The following ZNF45 variants were observed in gnomAD, a reference collection of about 807,000 sequenced individuals.
ZNF45 encodes BRC1744.
In ZNF45, 4 loss-of-function variants were observed where a neutral mutation model predicts 12.0. That is an observed-to-expected ratio of 0.33 (90% CI 0.16 to 0.76). The LOEUF (loss-of-function observed/expected upper bound fraction) is 0.76, where lower values mean the gene tolerates loss of function less well. Among genes scored for constraint, ZNF45 ranks in the 30% least tolerant of loss-of-function variants. The pLI is 0.60. For missense variants in ZNF45, 700 were observed against 813.0 expected (o/e 0.86, Z 1.69); for synonymous variants, 272 against 279.6 (o/e 0.97, Z 0.27).
At position 43,935,222 on chromosome 19, in the gene ZNF45, TCA is replaced by T. The variant is rs1342095417; in HGVS notation, c.-1056_-1055del. 2.6e-5 allele frequency: 4 copies of T among 152,266 alleles called. No individual in the cohort carries two copies. The highest frequency in any genetic ancestry group is 9.6e-5 in the African/African-American group (4 of 41,458). The allele number at this position is 152,266 out of a possible 1,614,324, so 9.4% of individuals were successfully genotyped here. On this transcript the variant is annotated 5_prime_UTR_variant, in exon 1 of 10. Transcript: ENST00000269973. ...AAAACAGGTCGCGGGGTCCCAGGAC[TCA>T]CTCACTTCCACGAGAGGAATGAAGG...
rs530551971 is a variant in ZNF45 at position 43,919,174 on chromosome 19, T to C, written c.143-212A>G. 9.8e-5 allele frequency among the ~76,000 whole-genome samples: 15 copies of C among 152,310 alleles called. No individual in the cohort carries two copies. In the East Asian group the frequency reaches 2.5e-3, roughly 25 times the overall value. ...ACTGGGAAAAAAAATGTTTTCATCATACCCCCTCCATTGTCTCTCACATTC... is the reference window on the plus strand; with the variant it reads ...ACTGGGAAAAAAAATGTTTTCATCACACCCCCTCCATTGTCTCTCACATTC... On this transcript the variant is annotated intron_variant, in intron 8 of 9. Transcript: ENST00000269973.
At chr19:43,920,585 A>G in intron 7 of ZNF45, among the ~76,000 whole-genome samples, 1 of 128,378 alleles carries the variant, frequency 7.8e-6, no homozygotes, top group Non-Finnish European at 1.6e-5. Flanking sequence ...AAGAAGCACT[A>G]GCATATCGTA....
intron 9 of ZNF45, among the ~76,000 whole-genome samples, chr19:43,916,524 C>G (rs561002668): frequency 1.2e-3 from 180 of 152,244 alleles, no homozygotes; most frequent in African/African-American, 4.0e-3. Flanking sequence ...CACATATTAC[C>G]CTCTGACAAA....
In ZNF45 at chr19:43,913,343, T is replaced by C. The variant is rs769493940; in HGVS notation, c.*44A>G. ...AATGTTTTGTCTATGATAGCTCTGA[T>C]TATTAAAATATTTCAGCACCCATCT... On this transcript the variant is annotated 3_prime_UTR_variant, in exon 10 of 10. Transcript: ENST00000269973. 1.3e-6 allele frequency: 2 copies of C among 1,517,424 alleles called. No individual in the cohort carries two copies. The highest frequency in any genetic ancestry group is 1.8e-6 in the Non-Finnish European group (2 of 1,134,872). The allele number at this position is 1,517,424 out of a possible 1,614,324, so 94.0% of individuals were successfully genotyped here. A position where few individuals can be genotyped will look rare whatever the true frequency, so the allele number is the denominator to read the frequency against.
intron 9 of ZNF45, 121 bp from the exon 10 acceptor site, chr19:43,915,321 G>T: frequency 9.9e-7 from 1 of 1,007,274 alleles, no homozygotes; most frequent in Non-Finnish European, 1.3e-6. Flanking sequence ...AGGTTCCATT[G>T]CCTACTGCAT....
At chr19:43,919,038 T>A (rs914261575) in intron 8 of ZNF45, 76 bp from the exon 9 acceptor site, 2 of 1,225,610 alleles carry the variant, frequency 1.6e-6, no homozygotes, top group African/African-American at 1.5e-5. Context: ...TGTCCTCATT[T>A]CATCGTCTTC....
chr19:43,914,357 T>C lies in ZNF45; in HGVS notation c.1079A>G (p.Tyr360Cys), dbSNP rs138169412. Residue 360 changes from tyrosine to cysteine, a missense_variant, in exon 10 of 10, where the codon TAT (tyrosine) becomes TGT (cysteine). Coordinates refer to ENST00000269973, the MANE Select transcript of ZNF45 (RefSeq NM_003425.4). ...ACCTTTCCCACACTCCTCACACTTA[T>C]AGGGTTTCTCTCCTGTGTGGATTCT... is the stretch of plus-strand genomic sequence containing the variant. ...HCRIHTGEKP[Y>C]KCEECGKGFS... is the part of the protein sequence containing the mutation. 206 of 1,613,244 alleles carry C rather than the reference T, an allele frequency of 1.3e-4. No homozygotes were observed. The highest frequency in any genetic ancestry group is 3.3e-4 in the Middle Eastern group (2 of 6,054).
chr19:43,932,431 C>A (rs1256737592), intron 3 of ZNF45, 173 bp downstream of exon 3: 3 of 152,188 alleles, frequency 2.0e-5, no homozygotes, highest in Non-Finnish European at 4.4e-5. Flanking sequence ...ACAATATTAT[C>A]CACAATTGTT....
intron 3 of ZNF45, among the ~76,000 whole-genome samples, chr19:43,929,313 G>A (rs73933619): frequency 0.028 from 4,260 of 152,292 alleles, 252 homozygotes; most frequent in East Asian, 0.24. Context: ...CCCTCTCAGT[G>A]GGAAAGGATC....
In ZNF45 at chr19:43,922,137, A is replaced by T. The variant is rs765465758; in HGVS notation, c.15+34T>A. 9 of 1,605,870 alleles carry T rather than the reference A, an allele frequency of 5.6e-6. No homozygotes were observed. The South Asian group carries it at 1.0e-4, about 18-fold the overall frequency. The stretch of plus-strand genomic sequence containing the variant: ...TATGTAATCTTTCCGAAATGAGATG[A>T]CAATTATTACGGAGAAAGGGAGGTC... On this transcript the variant is annotated intron_variant, in intron 7 of 9. Coordinates refer to ENST00000269973, the MANE Select transcript of ZNF45 (RefSeq NM_003425.4).
intron 3 of ZNF45, chr19:43,932,347 A>C (rs1215225673): frequency 6.6e-6 from 1 of 152,222 alleles, no homozygotes; most frequent in Non-Finnish European, 1.5e-5. Context: ...AAAAACAAAC[A>C]AACCAAAAAA....
intron 7 of ZNF45, among the ~76,000 whole-genome samples, chr19:43,920,470 T>C (rs904390704): frequency 4.0e-5 from 5 of 124,988 alleles, no homozygotes; most frequent in African/African-American, 1.5e-4. Context: ...CCTTAGCTTC[T>C]ACCTACTAGA....
chr19:43,914,288 G>C lies in ZNF45; in HGVS notation c.1148C>G (p.Thr383Ser). The C allele has an allele frequency of 6.2e-7, 1 of 1,613,144 alleles. No homozygotes were observed. The highest frequency in any genetic ancestry group is 8.5e-7 in the Non-Finnish European group (1 of 1,179,482). Residue 383 changes from threonine to serine, a missense_variant, in exon 10 of 10, where the codon ACT becomes AGT. Thr to Ser is a moderately conservative substitution (Grantham distance 58, BLOSUM62 1). Coordinates refer to ENST00000269973, the MANE Select transcript of ZNF45 (RefSeq NM_003425.4). ...CTCACATTTGTATGGCTTCTCTCCA[G>C]TGTGGCTTATCTGATGGGCCTGAAG... ...SHLQAHQISH[T>S]GEKPYKCEEC...
chr19:43,915,281 C>T, intron 9 of ZNF45, 81 bp from the exon 10 acceptor site: 2 of 1,386,318 alleles, frequency 1.4e-6, no homozygotes, highest in Non-Finnish European at 1.9e-6. Context: ...AACTCGGGCC[C>T]ATAGCCTAAG....
chr19:43,925,994 T>G (rs1205897193), intron 3 of ZNF45, among the ~76,000 whole-genome samples: 2 of 152,226 alleles, frequency 1.3e-5, no homozygotes, highest in Non-Finnish European at 2.9e-5. Context: ...CCCAGCAACC[T>G]CTGCTCAGTA....
intron 2 of ZNF45, among the ~76,000 whole-genome samples, chr19:43,932,991 G>A (rs1382354336): frequency 6.6e-6 from 1 of 152,164 alleles, no homozygotes; most frequent in Non-Finnish European, 1.5e-5. Flanking sequence ...TTACAGCAAG[G>A]GAGCTCACGC....
chr19:43,926,738 G>A (rs1973712145), intron 3 of ZNF45, among the ~76,000 whole-genome samples: 2 of 152,192 alleles, frequency 1.3e-5, no homozygotes, highest in Admixed American at 1.3e-4. Flanking sequence ...CACAAACGTA[G>A]CTTAATCTGA....
At chr19:43,921,679 A>G (rs1973198025) in intron 7 of ZNF45, among the ~76,000 whole-genome samples, 1 of 152,224 alleles carries the variant, frequency 6.6e-6, no homozygotes, top group South Asian at 2.1e-4. Flanking sequence ...AAACTGTAGT[A>G]ACAATTTTCA....
intron 3 of ZNF45, chr19:43,932,351 C>G (rs1337193095): frequency 6.6e-6 from 1 of 152,034 alleles, no homozygotes; most frequent in African/African-American, 2.4e-5. Flanking sequence ...ACAAACAAAC[C>G]AAAAAACCCA....
Sources: allele counts gnomAD v4.1 joint callset (sites outside exome capture counted in the v4.1 genomes callset), GRCh38; gene constraint gnomAD v4.1.1; transcripts MANE v1.5; gene names NCBI Gene and HGNC (gene_info 2026-07-23, HGNC 2026-07-21).